DMD: variants seen among roughly 807,000 people sequenced by gnomAD.
DMD encodes the protein dystrophin.
DMD carries 63 observed loss-of-function variants against 330.1 expected under a neutral mutation model. The ratio of observed to expected loss-of-function variants is 0.19; its 90% confidence interval spans 0.16 to 0.24. The LOEUF is 0.24. Ranked by LOEUF, DMD falls within the 10% of genes least tolerant of loss-of-function variation. The pLI is 1.00. For synonymous variants in DMD, 1,223 were observed against 959.8 expected (o/e 1.27, Z -5.07); for missense variants, 3,344 against 2,684.1 (o/e 1.25, Z -5.43).
At chrX:32,274,829 T>C (rs774735539) in intron 43 of DMD, among the ~76,000 whole-genome samples, 1 of 112,164 alleles carries the variant, frequency 8.9e-6, no homozygotes. Flanking sequence ...TCATTGATAA[T>C]TGGTTTGTTG....
chrX:32,073,341 G>A (rs2096315875), intron 44 of DMD, among the ~76,000 whole-genome samples: 1 of 111,702 alleles, frequency 9.0e-6, no homozygotes. Flanking sequence ...ATAAATCAAA[G>A]AGTTCGAAGA....
At chrX:31,333,699 G>GA (rs201782877) in intron 61 of DMD, among the ~76,000 whole-genome samples, 2,215 of 108,128 alleles carry the variant, frequency 0.02, 69 homozygotes, top group African/African-American at 0.071. Flanking sequence ...ATTCCTCTTC[G>GA]ATTTTTTTTT....
chrX:32,606,138 C>A lies in DMD; in HGVS notation c.1482+8165G>T, dbSNP rs73621807. 9.4e-3 allele frequency among the ~76,000 whole-genome samples: 1,035 copies of A among 109,877 alleles called. 9 individuals carry two copies. Among genetic ancestry groups the A allele is most frequent in the African/African-American group, 0.032 (972 of 30,392 alleles). On this transcript the variant is annotated intron_variant, in intron 12 of 78. Transcript: ENST00000357033. ...TATTATGTCTTTTCATTCTTTCTAA[C>A]TGTAATTTTTGTACCCAATAACCAT... is the stretch of plus-strand genomic sequence containing the variant.
intron 60 of DMD, among the ~76,000 whole-genome samples, chrX:31,401,370 T>C (rs922836698): frequency 1.2e-3 from 138 of 112,125 alleles, no homozygotes; most frequent in Non-Finnish European, 2.4e-4. Context: ...TTTAATTGGA[T>C]AAGAAATAGA....
chrX:31,778,151 G>T (rs755102743), intron 50 of DMD, among the ~76,000 whole-genome samples: 50 of 112,606 alleles, frequency 4.4e-4, no homozygotes, highest in Admixed American at 3.5e-3. Flanking sequence ...TAAGAAGTGT[G>T]TAACTAAAAT....
At chrX:32,735,107 C>A (rs1274127683) in intron 7 of DMD, among the ~76,000 whole-genome samples, 1 of 109,217 alleles carries the variant, frequency 9.2e-6, no homozygotes, top group Non-Finnish European at 1.9e-5. Context: ...CACAAGCATT[C>A]TTATACACCA....
chrX:32,707,429 C>G (rs1236145667), intron 7 of DMD, among the ~76,000 whole-genome samples: 1 of 111,749 alleles, frequency 8.9e-6, no homozygotes, highest in Non-Finnish European at 1.9e-5. Flanking sequence ...GAGAGTGCCT[C>G]AGAGCAAATG....
intron 41 of DMD, among the ~76,000 whole-genome samples, chrX:32,337,450 C>T (rs2097721070): frequency 9.2e-6 from 1 of 109,021 alleles, no homozygotes; most frequent in African/African-American, 3.3e-5. Flanking sequence ...ATAACATGCT[C>T]AGCTCAAGTG....
chrX:32,130,045 G>A (rs1337736634), intron 44 of DMD, among the ~76,000 whole-genome samples: 3 of 99,146 alleles, frequency 3.0e-5, no homozygotes, highest in African/African-American at 7.5e-5. Flanking sequence ...TCCCCCTTAC[G>A]CTTTAGCTTT....
intron 44 of DMD, among the ~76,000 whole-genome samples, chrX:32,020,650 CCT>C (rs757413358): frequency 8.9e-5 from 10 of 111,961 alleles, no homozygotes; most frequent in Non-Finnish European, 1.9e-4. Flanking sequence ...AGAAACCAAC[CCT>C]GTCATCACCT....
chrX:32,650,099 A>C lies in DMD; in HGVS notation c.961-4947T>G, dbSNP rs760800772. ...AACTGAGATAAGTAATCAAGTGGCT[A>C]CATGTAGGTAGTGAAACCAGCAGCC... On this transcript the variant is annotated intron_variant, in intron 9 of 78. Transcript: ENST00000357033. Among the ~76,000 whole-genome samples the C allele has an allele frequency of 6.3e-5, 7 of 111,568 alleles. No homozygotes were observed. The South Asian group carries it at 2.6e-3, about 42-fold the overall frequency.
At chrX:31,235,418 T>C (rs969083516) in intron 63 of DMD, among the ~76,000 whole-genome samples, 2 of 112,160 alleles carry the variant, frequency 1.8e-5, no homozygotes, top group African/African-American at 6.5e-5. Context: ...ATAAAATCTA[T>C]AGTAATACTG....
chrX:32,425,919 G>C (rs2098210898), intron 29 of DMD, among the ~76,000 whole-genome samples: 1 of 111,769 alleles, frequency 8.9e-6, no homozygotes, highest in Non-Finnish European at 1.9e-5. Context: ...AATGGTGCTG[G>C]GATAACTGGC....
chrX:31,435,950 G>T (rs2149032939), intron 60 of DMD, among the ~76,000 whole-genome samples: 1 of 111,515 alleles, frequency 9.0e-6, no homozygotes, highest in East Asian at 2.8e-4. Context: ...GTGAGAAATT[G>T]GAGACAAGGG....
rs794727863 is a variant in DMD at position 32,809,570 on chromosome X, G to A, written c.572C>T (p.Ser191Leu). 2 of 1,208,714 alleles carry A rather than the reference G, an allele frequency of 1.7e-6. No homozygotes were observed. The highest frequency in any genetic ancestry group is 2.2e-6 in the Non-Finnish European group (2 of 894,925). The change falls in exon 7 of 79, where the codon TCA becomes TTA. Residue 191 changes from serine (S) to leucine (L), a missense_variant. Physicochemically the swap from Ser to Leu is moderately radical, Grantham distance 145. Transcript: ENST00000357033. ...FDWNSVVCQQSATQRLEHAFN... is the reference protein window; with the variant it reads ...FDWNSVVCQQLATQRLEHAFN... ...TGCATGTTCCAGTCGTTGTGTGGCT[G>A]ACTGCTGGCAAACCACACTATTCCA...
chrX:31,803,066 C>A (rs1190602453), intron 50 of DMD, among the ~76,000 whole-genome samples: 1 of 111,957 alleles, frequency 8.9e-6, no homozygotes, highest in East Asian at 2.8e-4. Flanking sequence ...TTCCCCTTGC[C>A]CCCGGAAGGA....
intron 62 of DMD, among the ~76,000 whole-genome samples, chrX:31,287,483 A>T (rs552606160): frequency 2.7e-5 from 3 of 112,564 alleles, no homozygotes; most frequent in Middle Eastern, 4.6e-3. Flanking sequence ...CTTATTTCAA[A>T]CCTGCACTTG....
chrX:31,301,334 T>TAA (rs1213789776), intron 62 of DMD, among the ~76,000 whole-genome samples: 1 of 111,351 alleles, frequency 9.0e-6, no homozygotes, highest in Non-Finnish European at 1.9e-5. Flanking sequence ...CGTGACTGGG[T>TAA]AGTTTATAAA....
chrX:31,139,407 A>AC (rs2147844087), intron 76 of DMD, among the ~76,000 whole-genome samples: 1 of 110,298 alleles, frequency 9.1e-6, no homozygotes, highest in African/African-American at 3.3e-5. Context: ...AGAAATACGG[A>AC]ACTAGCTTAA....
Sources: allele counts gnomAD v4.1 joint callset (sites outside exome capture counted in the v4.1 genomes callset), GRCh38; gene constraint gnomAD v4.1.1; transcripts MANE v1.5; gene names NCBI Gene and HGNC (gene_info 2026-07-23, HGNC 2026-07-21).